RBFOX2: variants seen among roughly 807,000 people sequenced by gnomAD.
RBFOX2 encodes RNA binding fox-1 homolog 2, also known as RNA binding protein fox-1 homolog 2.
RBFOX2 carries 10 observed loss-of-function variants against 49.1 expected under a neutral mutation model. The observed-to-expected ratio is 0.20, with a 90% CI of 0.13 to 0.35. RBFOX2 has a LOEUF of 0.35. Ranked by LOEUF, RBFOX2 falls within the 10% of genes least tolerant of loss-of-function variation. RBFOX2 has a pLI of 1.00. For missense variants in RBFOX2, 323 were observed against 486.9 expected, an observed-to-expected ratio of 0.66 and a Z score of 3.17; for synonymous variants, 183 against 187.4, an observed-to-expected ratio of 0.98 and a Z score of 0.19.
intron 1 of RBFOX2, among the ~76,000 whole-genome samples, chr22:35,908,777 A>G (rs529633399): frequency 1.1e-3 from 164 of 152,226 alleles, no homozygotes; most frequent in African/African-American, 3.8e-3. Flanking sequence ...AAATAGGCAG[A>G]AACTTAGGTT....
At chr22:36,005,656 G>C (rs2058592807) in intron 1 of RBFOX2, among the ~76,000 whole-genome samples, 1 of 152,232 alleles carries the variant, frequency 6.6e-6, no homozygotes, top group South Asian at 2.1e-4. Context: ...CGTCAGAAGA[G>C]ATAGGCAGCA....
chr22:35,762,420 CT>C (rs1405768212), intron 6 of RBFOX2, among the ~76,000 whole-genome samples: 7 of 149,636 alleles, frequency 4.7e-5, no homozygotes, highest in Admixed American at 4.7e-4. Flanking sequence ...ACTCATTTGT[CT>C]TTTTATATTA....
rs5845246 is a variant in RBFOX2 at position 36,026,541 on chromosome 22, T to TACAGACACACACAC, written c.186+1698_186+1699insGTGTGTGTGTCTGT. 2.2e-5 allele frequency among the ~76,000 whole-genome samples: 3 copies of TACAGACACACACAC among 136,564 alleles called. No individual in the cohort carries two copies. The East Asian group carries it at 6.2e-4, about 28-fold the overall frequency. 89.6% of individuals were successfully genotyped at this position (136,564 alleles called of 152,430 possible). ...TTGACAGAAATGATAAATGAATACA[T>TACAGACACACACAC]ACACACACACACACACACACACACA... On this transcript the variant is annotated intron_variant, in intron 1 of 13. Transcript: ENST00000438146.
intron 1 of RBFOX2, among the ~76,000 whole-genome samples, chr22:36,025,751 G>C (rs549647139): frequency 1.3e-5 from 2 of 152,152 alleles, no homozygotes; most frequent in African/African-American, 4.8e-5. Context: ...GAACTTGGCC[G>C]GGTGCGGTGC....
At chr22:35,904,441 G>C (rs1383039620) in intron 1 of RBFOX2, among the ~76,000 whole-genome samples, 1 of 152,090 alleles carries the variant, frequency 6.6e-6, no homozygotes, top group Non-Finnish European at 1.5e-5. Flanking sequence ...TTATTTGCAG[G>C]AGTTTCTGGC....
chr22:35,925,782 A>C (rs907472937), intron 1 of RBFOX2, among the ~76,000 whole-genome samples: 1 of 152,192 alleles, frequency 6.6e-6, no homozygotes, highest in Non-Finnish European at 1.5e-5. Flanking sequence ...AAGGAAAAAG[A>C]CTGAGGCCAT....
intron 3 of RBFOX2, among the ~76,000 whole-genome samples, chr22:35,780,957 G>C (rs745308710): frequency 1.3e-5 from 2 of 152,158 alleles, no homozygotes; most frequent in Non-Finnish European, 2.9e-5. Flanking sequence ...TTTGGTCTTG[G>C]AGTTGAGGGA....
chr22:35,876,235 AT>A (rs564147854), intron 1 of RBFOX2, among the ~76,000 whole-genome samples: 4 of 151,714 alleles, frequency 2.6e-5, no homozygotes, highest in Admixed American at 6.6e-5. Flanking sequence ...AAATTTTTTT[AT>A]TTTTTTTGAG....
At chr22:36,016,711 A>G (rs1209457106) in intron 1 of RBFOX2, among the ~76,000 whole-genome samples, 1 of 152,194 alleles carries the variant, frequency 6.6e-6, no homozygotes, top group East Asian at 1.9e-4. Context: ...GCTGTTTTCC[A>G]CCCTTGGGAA....
intron 1 of RBFOX2, among the ~76,000 whole-genome samples, chr22:36,024,519 T>C (rs1438970681): frequency 6.6e-6 from 1 of 152,040 alleles, no homozygotes; most frequent in Non-Finnish European, 1.5e-5. Context: ...ACGCAGGCGA[T>C]CACCTGAGGT....
chr22:35,967,908 C>T (rs2056655878), intron 1 of RBFOX2, among the ~76,000 whole-genome samples: 1 of 152,070 alleles, frequency 6.6e-6, no homozygotes, highest in Non-Finnish European at 1.5e-5. Context: ...CAGCAGAATC[C>T]AGAAATAATA....
intron 2 of RBFOX2, among the ~76,000 whole-genome samples, chr22:35,784,829 G>A (rs1235088827): frequency 3.3e-5 from 5 of 152,182 alleles, no homozygotes; most frequent in East Asian, 1.9e-4. Context: ...CGCGACCACC[G>A]CCGGCAGATT....
At chr22:35,890,051 A>G (rs980638718) in intron 1 of RBFOX2, among the ~76,000 whole-genome samples, 2 of 152,174 alleles carry the variant, frequency 1.3e-5, no homozygotes, top group Non-Finnish European at 2.9e-5. Flanking sequence ...TTCAAGTTTT[A>G]TGATAAAGCC....
intron 2 of RBFOX2, among the ~76,000 whole-genome samples, chr22:35,809,061 A>T (rs1951303602): frequency 6.6e-6 from 1 of 152,040 alleles, no homozygotes; most frequent in Non-Finnish European, 1.5e-5. Context: ...GCATTAAAAA[A>T]AAAAAAAAAC....
In RBFOX2 at chr22:35,787,827, C is replaced by T. The variant is rs186858067; in HGVS notation, c.253-6081G>A. On this transcript the variant is annotated intron_variant, in intron 2 of 11. Coordinates refer to ENST00000405409, the Ensembl canonical transcript of RBFOX2. The stretch of plus-strand genomic sequence containing the variant: ...GGTTTTCCCTTTTGTGGTCATTATC[C>T]GACCTAACGTATCCACTGGGCAAGG... Among the ~76,000 whole-genome samples the T allele has an allele frequency of 2.9e-4, 44 of 152,254 alleles. No homozygotes were observed. In the East Asian group the frequency reaches 6.8e-3, roughly 23 times the overall value.
At chr22:35,925,037 T>A (rs1395327984) in intron 1 of RBFOX2, among the ~76,000 whole-genome samples, 2 of 151,188 alleles carry the variant, frequency 1.3e-5, no homozygotes, top group Non-Finnish European at 2.9e-5. Flanking sequence ...TATATATATA[T>A]AAAAGTTAGC....
At chr22:35,878,671 C>T (rs1256737947) in intron 1 of RBFOX2, among the ~76,000 whole-genome samples, 2 of 152,164 alleles carry the variant, frequency 1.3e-5, no homozygotes, top group African/African-American at 4.8e-5. Context: ...GAACTCCTGG[C>T]CTCAAGGAGT....
chr22:35,916,516 A>G (rs1447859471), intron 1 of RBFOX2, among the ~76,000 whole-genome samples: 1 of 152,144 alleles, frequency 6.6e-6, no homozygotes, highest in Non-Finnish European at 1.5e-5. Context: ...GCCTAGCCTC[A>G]TGTGATCTGC....
intron 1 of RBFOX2, among the ~76,000 whole-genome samples, chr22:35,908,218 G>C (rs1194648183): frequency 6.6e-6 from 1 of 152,174 alleles, no homozygotes; most frequent in Admixed American, 6.5e-5. Flanking sequence ...CTGCAAAATG[G>C]AGTTAATAAT....
Sources: gnomAD v4.1 joint callset for allele counts (sites outside exome capture counted in the v4.1 genomes callset) on GRCh38, gnomAD v4.1.1 for gene constraint, MANE v1.5 for transcripts, NCBI Gene and HGNC (gene_info 2026-07-23, HGNC 2026-07-21) for gene names.